Variants in FGD6 observed in about 807,000 individuals in gnomAD.
The protein encoded by FGD6 is FYVE, RhoGEF and PH domain containing 6, also known as FYVE, RhoGEF and PH domain-containing protein 6.
FGD6 carries 90 observed loss-of-function variants against 149.4 expected under a neutral mutation model. The observed-to-expected ratio is 0.60, with a 90% CI of 0.51 to 0.72. The LOEUF (loss-of-function observed/expected upper bound fraction) is 0.72. Among genes scored for constraint, FGD6 ranks in the 30% least tolerant of loss-of-function variants. The pLI is 0.00. For synonymous variants in FGD6, 527 were observed against 584.0 expected (o/e 0.90, Z 1.41); for missense variants, 1,437 against 1,684.8 (o/e 0.85, Z 2.57).
chr12:95,173,250 T>C (rs1029075197), intron 2 of FGD6, among the ~76,000 whole-genome samples: 2 of 152,162 alleles, frequency 1.3e-5, no homozygotes, highest in African/African-American at 4.8e-5. Context: ...TGCTCTATGG[T>C]TATCACTGTT....
intron 2 of FGD6, among the ~76,000 whole-genome samples, chr12:95,186,568 T>C (rs1211204686): frequency 2.6e-5 from 4 of 152,166 alleles, no homozygotes; most frequent in South Asian, 2.1e-4. Flanking sequence ...GAAAATGATT[T>C]TCATGTCCAT....
intron 2 of FGD6, among the ~76,000 whole-genome samples, chr12:95,197,831 T>C (rs1219071647): frequency 6.6e-6 from 1 of 152,166 alleles, no homozygotes; most frequent in African/African-American, 2.4e-5. Context: ...AACTAGTAAA[T>C]GACAGGAATC....
chr12:95,205,395 T>G (rs1430802578), intron 2 of FGD6, among the ~76,000 whole-genome samples: 6 of 152,228 alleles, frequency 3.9e-5, no homozygotes, highest in Non-Finnish European at 8.8e-5. Context: ...GTTGGTCACA[T>G]GTGTAGACTC....
Position 95,084,506 on chromosome 12 carries a change from C to T in FGD6, c.4248G>A (p.Ser1416=), listed in dbSNP as rs374950312. Residue 1416 remains serine (S), a synonymous_variant, in exon 20 of 21, where the codon TCG becomes TCA. Transcript: ENST00000343958. ...FYVFKAEDAH[S]AQKWIEAFQE... is the part of the protein sequence containing the mutation. ...ATGGCCAGATTACTTACTTCTGAGC[C>T]GAATGAGCATCCTCTGCTTTGAATA... The T allele has an allele frequency of 1.1e-5, 17 of 1,559,458 alleles. No homozygotes were observed. The African/African-American group carries it at 1.3e-4, about 11-fold the overall frequency.
At chr12:95,083,030 T>TATATATATAAACACACACACAC (rs772685891) in intron 20 of FGD6, among the ~76,000 whole-genome samples, 1 of 56,580 alleles carries the variant, frequency 1.8e-5, no homozygotes, top group Admixed American at 2.1e-4. Flanking sequence ...TATATATATA[T>TATATATATAAACACACACACAC]ACACACACAT....
At chr12:95,201,785 C>A (rs2056663677) in intron 2 of FGD6, among the ~76,000 whole-genome samples, 1 of 152,138 alleles carries the variant, frequency 6.6e-6, no homozygotes, top group Non-Finnish European at 1.5e-5. Context: ...ACAAAATAAT[C>A]ATATCCTTGG....
intron 3 of FGD6, among the ~76,000 whole-genome samples, chr12:95,171,134 T>C (rs1880977188): frequency 6.6e-6 from 1 of 152,350 alleles, no homozygotes; most frequent in East Asian, 1.9e-4. Context: ...TGGTACTCTT[T>C]AGTCCCAAAA....
At position 95,125,757 on chromosome 12, in the gene FGD6, A is replaced by T. The variant is rs754414921; in HGVS notation, c.3082+8982T>A. On this transcript the variant is annotated intron_variant, in intron 8 of 20. Coordinates refer to ENST00000343958, the MANE Select transcript of FGD6 (RefSeq NM_018351.4). ...GAATTCCTTCTCACCGACTGCCGCCAATATGGTGTTCAGGCACTTCATGGA... is the reference window on the plus strand; with the variant it reads ...GAATTCCTTCTCACCGACTGCCGCCTATATGGTGTTCAGGCACTTCATGGA... 6.2e-5 allele frequency: 42 copies of T among 680,004 alleles called. No individual in the cohort carries two copies. The Admixed American group carries it at 8.6e-4, about 14-fold the overall frequency. The allele number at this position is 680,004 out of a possible 1,614,324, so 42.1% of individuals were successfully genotyped here.
chr12:95,159,307 C>T (rs1253939239), intron 3 of FGD6, among the ~76,000 whole-genome samples: 3 of 152,084 alleles, frequency 2.0e-5, no homozygotes, highest in Non-Finnish European at 2.9e-5. Flanking sequence ...AATGTGAAAA[C>T]TGTAAAACTT....
rs1412063200 is a variant in FGD6, at chr12:95,077,244, G to A, written c.*4276C>T. The A allele has an allele frequency of 6.6e-6, 1 of 152,244 alleles. No homozygotes were observed. Among genetic ancestry groups the A allele is most frequent in the East Asian group, 1.9e-4 (1 of 5,202 alleles). 9.4% of individuals were successfully genotyped at this position (152,244 alleles called of 1,614,324 possible). The stretch of plus-strand genomic sequence containing the variant: ...ATACTGAGTGTCCACTGCATGCAAG[G>A]TACCCTGCCAGAAATCTCAAATGAG... On this transcript the variant is annotated 3_prime_UTR_variant, in exon 21 of 21. Coordinates refer to ENST00000343958, the MANE Select transcript of FGD6 (RefSeq NM_018351.4).
chr12:95,148,608 A>ATATTATATAT (rs1880098496), intron 5 of FGD6, among the ~76,000 whole-genome samples: 1 of 105,548 alleles, frequency 9.5e-6, no homozygotes, highest in East Asian at 3.3e-4. Context: ...ATAGCATGTT[A>ATATTATATAT]TATATATTAT....
intron 16 of FGD6, 86 bp downstream of exon 16, chr12:95,092,613 G>C (rs929237266): frequency 5.9e-6 from 8 of 1,355,782 alleles, no homozygotes; most frequent in Non-Finnish European, 8.1e-6. Context: ...AACTATAATG[G>C]TTTATGAGGG....
At chr12:95,172,817 A>C in intron 2 of FGD6, 73 bp from the exon 3 acceptor site, 2 of 1,226,288 alleles carry the variant, frequency 1.6e-6, no homozygotes, top group Non-Finnish European at 2.2e-6. Context: ...AACCAAATCA[A>C]CATCTTATCT....
At chr12:95,178,566 T>C (rs546918611) in intron 2 of FGD6, among the ~76,000 whole-genome samples, 1 of 152,288 alleles carries the variant, frequency 6.6e-6, no homozygotes, top group South Asian at 2.1e-4. Flanking sequence ...ATCTATCAAT[T>C]TTTTTATGTC....
chr12:95,126,092 A>T (rs1052628230), intron 8 of FGD6: 5 of 1,128,610 alleles, frequency 4.4e-6, no homozygotes, highest in Non-Finnish European at 6.8e-6. Flanking sequence ...ATCATTTTAA[A>T]GTTATGAAGG....
chr12:95,108,718 T>C (rs79446588), intron 9 of FGD6, among the ~76,000 whole-genome samples, 157 bp from the exon 10 acceptor site: 1 of 152,082 alleles, frequency 6.6e-6, no homozygotes, highest in African/African-American at 2.4e-5. Flanking sequence ...TAAGGTTCAA[T>C]GAAGGCAAAA....
intron 1 of FGD6, among the ~76,000 whole-genome samples, 156 bp downstream of exon 1, chr12:95,217,069 G>A (rs1002490951): frequency 1.3e-5 from 2 of 152,192 alleles, no homozygotes; most frequent in South Asian, 2.1e-4. Flanking sequence ...CGAGAAAGCC[G>A]GCAGCGAATC....
intron 8 of FGD6, among the ~76,000 whole-genome samples, chr12:95,119,648 T>C (rs1256950430): frequency 6.6e-6 from 1 of 152,210 alleles, no homozygotes; most frequent in East Asian, 1.9e-4. Context: ...ATTAGCACTG[T>C]CGGCTGGTGT....
chr12:95,122,450 A>G (rs1879218417), intron 8 of FGD6, among the ~76,000 whole-genome samples: 1 of 151,878 alleles, frequency 6.6e-6, no homozygotes, highest in African/African-American at 2.4e-5. Flanking sequence ...GTTTGAGACC[A>G]GCCTAGCCAA....
Sources: gnomAD v4.1 joint callset for allele counts (sites outside exome capture counted in the v4.1 genomes callset) on GRCh38, gnomAD v4.1.1 for gene constraint, MANE v1.5 for transcripts, NCBI Gene and HGNC (gene_info 2026-07-23, HGNC 2026-07-21) for gene names.